The following ZNF761 variants were observed in gnomAD, a reference collection of about 807,000 sequenced individuals.
ZNF761 encodes the protein zinc finger protein 761.
ZNF761 carries 43 observed loss-of-function variants against 59.9 expected under a neutral mutation model. That is an observed-to-expected ratio of 0.72 (90% CI 0.56 to 0.92). ZNF761 has a LOEUF of 0.92. Among genes scored for constraint, ZNF761 ranks in the 40% least tolerant of loss-of-function variants. The pLI is 0.00. For synonymous variants in ZNF761, 294 were observed against 304.8 expected, an observed-to-expected ratio of 0.96 and a Z score of 0.37; for missense variants, 850 against 906.1, an observed-to-expected ratio of 0.94 and a Z score of 0.79.
At chr19:53,441,533 G>C (rs2086100634) in intron 1 of ZNF761, among the ~76,000 whole-genome samples, 1 of 150,378 alleles carries the variant, frequency 6.6e-6, no homozygotes, top group Non-Finnish European at 1.5e-5. Flanking sequence ...TGCAACCTCT[G>C]CCTCCTGGTT....
In ZNF761 at chr19:53,457,479, G is replaced by C; in HGVS notation, c.*731G>C. ...GACATCAGAGAATGCATACTGGACA[G>C]AAATCTTACAAATGTCATCAATGTG... On this transcript the variant is annotated 3_prime_UTR_variant, in exon 5 of 5. Transcript: ENST00000684525. 1 of 395,370 alleles carries C rather than the reference G, an allele frequency of 2.5e-6. No individual in the cohort carries two copies. The allele number at this position is 395,370 out of a possible 1,614,324, so 24.5% of individuals were successfully genotyped here.
In ZNF761 at chr19:53,457,047, A is replaced by G. The variant is rs2086279152; in HGVS notation, c.*299A>G. Reference sequence around the variant, plus strand: ...TGATTCGCACCTGGCACAACATGCTAGAATTCACACTGGAGAGAAACCTTA... The same window carrying G: ...TGATTCGCACCTGGCACAACATGCTGGAATTCACACTGGAGAGAAACCTTA... On this transcript the variant is annotated 3_prime_UTR_variant, in exon 5 of 5. Transcript: ENST00000684525. The G allele has an allele frequency of 1.6e-6, 1 of 633,004 alleles. No individual in the cohort carries two copies. Among genetic ancestry groups the G allele is most frequent in the South Asian group, 1.7e-5 (1 of 59,642 alleles). 39.2% of individuals were successfully genotyped at this position (633,004 alleles called of 1,614,324 possible).
At chr19:53,435,336 C>CTTTTTTTTTTT (rs2086028839) in intron 1 of ZNF761, among the ~76,000 whole-genome samples, 1 of 66,538 alleles carries the variant, frequency 1.5e-5, no homozygotes, top group Non-Finnish European at 2.7e-5. Flanking sequence ...TGGAGTTTTG[C>CTTTTTTTTTTT]TCTTGTTGCC....
intron 1 of ZNF761, chr19:53,442,239 G>A (rs549997348): frequency 7.3e-6 from 9 of 1,233,418 alleles, no homozygotes; most frequent in Non-Finnish European, 9.5e-6. Flanking sequence ...TGGGAAGTAT[G>A]AAGAGGTGGC....
chr19:53,453,415 G>A (rs1275187564), intron 4 of ZNF761, among the ~76,000 whole-genome samples: 6 of 152,070 alleles, frequency 3.9e-5, no homozygotes, highest in African/African-American at 1.4e-4. Flanking sequence ...GAAGTTTGGC[G>A]TTTTTCTTAA....
At chr19:53,436,242 G>A (rs1355841321) in intron 1 of ZNF761, among the ~76,000 whole-genome samples, 1 of 152,206 alleles carries the variant, frequency 6.6e-6, no homozygotes, top group African/African-American at 2.4e-5. Context: ...GAGTCCTAGA[G>A]AAGTTGGATT....
At chr19:53,451,007 AAATT>A (rs1402115689) in intron 4 of ZNF761, among the ~76,000 whole-genome samples, 1 of 151,964 alleles carries the variant, frequency 6.6e-6, no homozygotes, top group Non-Finnish European at 1.5e-5. Flanking sequence ...AAAAAAAAAA[AAATT>A]CCATAACCTG....
At chr19:53,447,937 G>C (rs113364934) in intron 3 of ZNF761, among the ~76,000 whole-genome samples, 7,058 of 152,256 alleles carry the variant, frequency 0.046, 215 homozygotes, top group African/African-American at 0.087. Context: ...TGGTGTTACC[G>C]TGGAGAGGCT....
At chr19:53,432,547 G>A (rs1202901604) in intron 1 of ZNF761, among the ~76,000 whole-genome samples, 1 of 152,160 alleles carries the variant, frequency 6.6e-6, no homozygotes, top group Non-Finnish European at 1.5e-5. Context: ...TTGGGGAGGT[G>A]CCCGGGGCCT....
At chr19:53,443,461 G>A (rs1239643691) in intron 1 of ZNF761, 1 of 152,254 alleles carries the variant, frequency 6.6e-6, no homozygotes, top group African/African-American at 2.4e-5. Flanking sequence ...CGCTAGTATG[G>A]AGGCTGCAAT....
intron 4 of ZNF761, among the ~76,000 whole-genome samples, chr19:53,451,505 CCTGT>C (rs1447090435): frequency 1.3e-5 from 2 of 152,138 alleles, no homozygotes; most frequent in African/African-American, 4.8e-5. Flanking sequence ...CCGCACCCAG[CCTGT>C]CTGTCTTTTT....
At chr19:53,445,577 G>T (rs2086148546) in intron 1 of ZNF761, among the ~76,000 whole-genome samples, 1 of 152,086 alleles carries the variant, frequency 6.6e-6, no homozygotes, top group Non-Finnish European at 1.5e-5. Context: ...CCAGTCCCCT[G>T]AAATGATCGG....
At chr19:53,433,121 G>T (rs1242999617) in intron 1 of ZNF761, among the ~76,000 whole-genome samples, 18 of 151,790 alleles carry the variant, frequency 1.2e-4, no homozygotes, top group African/African-American at 2.7e-4. Context: ...GGAAACTGAG[G>T]ACTAGACAGA....
intron 1 of ZNF761, among the ~76,000 whole-genome samples, chr19:53,434,988 T>A (rs2086022819): frequency 6.6e-6 from 1 of 152,136 alleles, no homozygotes; most frequent in African/African-American, 2.4e-5. Flanking sequence ...ATAGGTAGGT[T>A]GCTGGGTAGG....
chr19:53,432,467 C>G (rs1432675746), intron 1 of ZNF761, among the ~76,000 whole-genome samples: 1 of 152,156 alleles, frequency 6.6e-6, no homozygotes, highest in Non-Finnish European at 1.5e-5. Flanking sequence ...CCCTTCACCT[C>G]CCTCCTTGTG....
chr19:53,437,032 T>C (rs1238669582), intron 1 of ZNF761, among the ~76,000 whole-genome samples: 6 of 152,108 alleles, frequency 3.9e-5, no homozygotes, highest in Admixed American at 2.0e-4. Flanking sequence ...AATGGCACTT[T>C]CGTGACCCAG....
chr19:53,443,434 T>A (rs2086121184), intron 1 of ZNF761: 2 of 152,380 alleles, frequency 1.3e-5, no homozygotes, highest in Admixed American at 1.3e-4. Flanking sequence ...ATGCATAAGG[T>A]GGGTCCAGGG....
chr19:53,439,947 A>G (rs59290332), intron 1 of ZNF761, among the ~76,000 whole-genome samples: 46,370 of 151,990 alleles, frequency 0.31, 7,588 homozygotes, highest in Non-Finnish European at 0.36. Flanking sequence ...GGTTGTCCTC[A>G]GCCTATACTC....
chr19:53,447,608 C>T (rs2086174679), intron 3 of ZNF761, among the ~76,000 whole-genome samples: 1 of 152,162 alleles, frequency 6.6e-6, no homozygotes, highest in Admixed American at 6.5e-5. Context: ...GTACTGTCAG[C>T]TCTCTGTGGA....
Sources: allele counts gnomAD v4.1 joint callset (sites outside exome capture counted in the v4.1 genomes callset), GRCh38; gene constraint gnomAD v4.1.1; transcripts MANE v1.5; gene names NCBI Gene and HGNC (gene_info 2026-07-23, HGNC 2026-07-21).